The following USP54 variants were observed in gnomAD, a reference collection of about 807,000 sequenced individuals.
The protein encoded by USP54 is ubiquitin specific peptidase 54.
In USP54, 87 loss-of-function variants were observed where a neutral mutation model predicts 170.5. The observed-to-expected ratio is 0.51, with a 90% CI of 0.43 to 0.61. The LOEUF (loss-of-function observed/expected upper bound fraction) is 0.61, where lower values mean the gene tolerates loss of function less well. USP54 is among the 20% of genes least tolerant of loss of function. The probability of loss-of-function intolerance (pLI) is 0.00; values close to 1 mark genes in which losing one functional copy is unlikely to be tolerated. For synonymous variants in USP54, 655 were observed against 742.8 expected (o/e 0.88, Z 1.92); for missense variants, 1,786 against 2,047.8 (o/e 0.87, Z 2.47).
intron 4 of USP54, among the ~76,000 whole-genome samples, chr10:73,566,782 T>C (rs758024200): frequency 2.0e-5 from 3 of 151,980 alleles, no homozygotes; most frequent in Non-Finnish European, 2.9e-5. Context: ...AGGAAATGAC[T>C]ACCACAAACA....
intron 1 of USP54, among the ~76,000 whole-genome samples, chr10:73,596,751 G>C (rs1045908246): frequency 1.3e-4 from 19 of 149,742 alleles, no homozygotes; most frequent in Non-Finnish European, 1.8e-4. Flanking sequence ...AGGAATAAAG[G>C]GTTTCTCAGT....
At chr10:73,515,480 G>A (rs573024371) in intron 20 of USP54, among the ~76,000 whole-genome samples, 1 of 152,230 alleles carries the variant, frequency 6.6e-6, no homozygotes, top group South Asian at 2.1e-4. Flanking sequence ...TGCACTTCAG[G>A]TGCAGGCTCT....
intron 4 of USP54, among the ~76,000 whole-genome samples, chr10:73,555,568 A>G (rs1169360954): frequency 6.6e-6 from 1 of 152,224 alleles, no homozygotes; most frequent in Non-Finnish European, 1.5e-5. Context: ...AGATGGGCCA[A>G]ATTCGCCACA....
intron 12 of USP54, among the ~76,000 whole-genome samples, chr10:73,533,601 T>C (rs2064528503): frequency 6.6e-6 from 1 of 150,772 alleles, no homozygotes; most frequent in African/African-American, 2.4e-5. Flanking sequence ...TCTCAAACAA[T>C]GAGCTCACAA....
intron 4 of USP54, among the ~76,000 whole-genome samples, chr10:73,561,886 T>C (rs2073148611): frequency 6.6e-6 from 1 of 151,982 alleles, no homozygotes; most frequent in Non-Finnish European, 1.5e-5. Flanking sequence ...ACAAAAACAG[T>C]GGGCAAAAAG....
intron 4 of USP54, among the ~76,000 whole-genome samples, chr10:73,559,094 G>C (rs1253390817): frequency 6.6e-6 from 1 of 152,036 alleles, no homozygotes; most frequent in African/African-American, 2.4e-5. Context: ...AGAAAGTTTG[G>C]AGTTTCCTGT....
intron 1 of USP54, among the ~76,000 whole-genome samples, chr10:73,587,766 T>C (rs1318302352): frequency 3.3e-5 from 5 of 152,190 alleles, no homozygotes; most frequent in African/African-American, 9.7e-5. Context: ...TAAAATAATG[T>C]AGATACGTAT....
chr10:73,574,516 C>A (rs1270174040), intron 3 of USP54, among the ~76,000 whole-genome samples: 1 of 152,162 alleles, frequency 6.6e-6, no homozygotes, highest in East Asian at 1.9e-4. Context: ...AGGCCAGACA[C>A]CTGTAATCCC....
Position 73,534,719 on chromosome 10 carries a change from C to T in USP54, c.1196G>A (p.Ser399Asn), listed in dbSNP as rs190878362. The T allele has an allele frequency of 6.2e-7, 1 of 1,614,138 alleles. No individual in the cohort carries two copies. Among genetic ancestry groups the T allele is most frequent in the Non-Finnish European group, 8.5e-7 (1 of 1,179,988 alleles). The change falls in exon 12 of 24, where the codon AGC (serine) becomes AAC (asparagine). Residue 399 changes from serine (S) to asparagine (N), a missense_variant. This residue lies in a region of USP54 where 1,418 missense variants were observed against 1,569.0 expected (regional missense o/e 0.90). Coordinates refer to ENST00000687698, the MANE Select transcript of USP54 (RefSeq NM_001391956.1). ...ATGGTGGGAATGTTTGTAGGGATAG[C>T]TCTCCGTTGAGGAATCTGTTCGAGT... The part of the protein sequence containing the change: ...SDTRTDSSTE[S>N]YPYKHSHHES...
intron 20 of USP54, among the ~76,000 whole-genome samples, chr10:73,511,139 C>T (rs562905487): frequency 1.4e-5 from 2 of 138,796 alleles, no homozygotes; most frequent in South Asian, 4.6e-4. Context: ...CCCTCTGTTG[C>T]CCAGGCTGAA....
intron 19 of USP54, chr10:73,518,152 A>G: frequency 1.0e-6 from 1 of 984,924 alleles, no homozygotes. Flanking sequence ...ACCAAACAGC[A>G]AAAATCCAGG....
At chr10:73,541,551 A>G in intron 8 of USP54, 30 bp from the exon 9 acceptor site, 3 of 1,613,666 alleles carry the variant, frequency 1.9e-6, no homozygotes, top group East Asian at 2.2e-5. Flanking sequence ...CTAGTTCAAC[A>G]TGTTTCCCAC....
intron 1 of USP54, among the ~76,000 whole-genome samples, chr10:73,613,339 C>G (rs2080315916): frequency 6.6e-6 from 1 of 151,208 alleles, no homozygotes; most frequent in South Asian, 2.1e-4. Flanking sequence ...ACCATGTTGG[C>G]CAGGCTGGTC....
At chr10:73,548,487 C>T (rs1004661742) in intron 4 of USP54, among the ~76,000 whole-genome samples, 3 of 152,146 alleles carry the variant, frequency 2.0e-5, no homozygotes, top group Non-Finnish European at 2.9e-5. Context: ...AACCAAATGT[C>T]CATCAATGAC....
At chr10:73,539,020 C>T (rs1200066691) in intron 10 of USP54, among the ~76,000 whole-genome samples, 3 of 151,932 alleles carry the variant, frequency 2.0e-5, no homozygotes, top group Non-Finnish European at 4.4e-5. Context: ...GTGGCTCATG[C>T]CTATAATTCC....
chr10:73,559,044 C>CAA (rs1173735064), intron 4 of USP54, among the ~76,000 whole-genome samples: 19 of 152,110 alleles, frequency 1.2e-4, no homozygotes, highest in Admixed American at 1.2e-3. Context: ...CCACACAGTT[C>CAA]AAACCCGTGT....
chr10:73,581,391 T>C (rs2076890248), intron 1 of USP54, among the ~76,000 whole-genome samples: 1 of 152,224 alleles, frequency 6.6e-6, no homozygotes, highest in African/African-American at 2.4e-5. Context: ...CCAAAAACCT[T>C]TCCATGTATG....
At chr10:73,578,349 G>A (rs2133838972) in intron 1 of USP54, among the ~76,000 whole-genome samples, 1 of 152,268 alleles carries the variant, frequency 6.6e-6, no homozygotes, top group Middle Eastern at 3.4e-3. Flanking sequence ...ATGTGAGGAG[G>A]GGAATTATAG....
chr10:73,505,038 T>G, intron 21 of USP54, 48 bp from the exon 22 acceptor site: 2 of 1,610,300 alleles, frequency 1.2e-6, no homozygotes, highest in Non-Finnish European at 1.7e-6. Context: ...ACCAGACTTA[T>G]GGTTTTCCCA....
Sources: allele counts gnomAD v4.1 joint callset (sites outside exome capture counted in the v4.1 genomes callset), GRCh38; gene constraint gnomAD v4.1.1; regional missense constraint gnomAD v4.1.1; transcripts MANE v1.5; gene names NCBI Gene and HGNC (gene_info 2026-07-23, HGNC 2026-07-21).